The following RGS7 variants were observed in gnomAD, a reference collection of about 807,000 sequenced individuals.
RGS7 encodes the protein regulator of G-protein signaling 7.
In RGS7, 27 loss-of-function variants were observed where a neutral mutation model predicts 81.1. The ratio of observed to expected loss-of-function variants is 0.33; its 90% CI spans 0.25 to 0.46. The LOEUF (loss-of-function observed/expected upper bound fraction) is 0.46. Among genes scored for constraint, RGS7 ranks in the 20% least tolerant of loss-of-function variants. RGS7 has a pLI of 1.00. For synonymous variants in RGS7, 208 were observed against 207.7 expected (o/e 1.00, Z -0.01); for missense variants, 396 against 607.4 (o/e 0.65, Z 3.66).
chr1:241,158,716 C>T (rs1341932234), intron 2 of RGS7, among the ~76,000 whole-genome samples: 1 of 152,164 alleles, frequency 6.6e-6, no homozygotes, highest in Non-Finnish European at 1.5e-5. Flanking sequence ...GACCTTTTCC[C>T]TACCAGTTTA....
At chr1:240,871,949 T>C (rs1399234763) in intron 6 of RGS7, among the ~76,000 whole-genome samples, 1 of 152,190 alleles carries the variant, frequency 6.6e-6, no homozygotes, top group Admixed American at 6.5e-5. Flanking sequence ...ATCTAATCTT[T>C]ATTATTTGCA....
At chr1:241,300,298 T>C (rs1438119284) in intron 2 of RGS7, among the ~76,000 whole-genome samples, 3 of 152,192 alleles carry the variant, frequency 2.0e-5, no homozygotes, top group Non-Finnish European at 2.9e-5. Flanking sequence ...CCGAAGTTCA[T>C]AGTTTACGCT....
Position 241,168,780 on chromosome 1 carries a change from G to C in RGS7, c.79-70018C>G, listed in dbSNP as rs1409766148. ...CCCAACACACACACATAGAGAGAGC[G>C]AGAGAGAGAGAACTAGGCCAAGAGC... On this transcript the variant is annotated intron_variant, in intron 2 of 18. Transcript: ENST00000440928. Among the ~76,000 whole-genome samples the C allele has an allele frequency of 4.0e-5, 6 of 151,868 alleles. No homozygotes were observed. The South Asian group carries it at 1.0e-3, about 26-fold the overall frequency.
intron 6 of RGS7, chr1:240,919,839 A>C: frequency 1.3e-6 from 1 of 782,710 alleles, no homozygotes; most frequent in East Asian, 2.4e-5. Context: ...CACATAGGCC[A>C]CTGTGGAGAA....
chr1:241,245,662 C>T (rs1226909069), intron 2 of RGS7, among the ~76,000 whole-genome samples: 1 of 150,770 alleles, frequency 6.6e-6, no homozygotes, highest in Non-Finnish European at 1.5e-5. Flanking sequence ...CAAAAATTAG[C>T]CAGGCGTAGT....
chr1:241,234,038 T>C (rs2075797331), intron 2 of RGS7, among the ~76,000 whole-genome samples: 1 of 152,206 alleles, frequency 6.6e-6, no homozygotes, highest in Non-Finnish European at 1.5e-5. Flanking sequence ...ATGATGTTTT[T>C]ACTTAAATTT....
intron 3 of RGS7, among the ~76,000 whole-genome samples, chr1:241,065,240 A>G (rs968721855): frequency 7.0e-6 from 1 of 142,108 alleles, no homozygotes; most frequent in Admixed American, 7.0e-5. Context: ...ATATATATTA[A>G]AAGATATATT....
At chr1:240,967,568 T>TG (rs543910244) in intron 4 of RGS7, among the ~76,000 whole-genome samples, 4,944 of 53,682 alleles carry the variant, frequency 0.092, 253 homozygotes, top group African/African-American at 0.19. Context: ...TGCCAAGAAG[T>TG]GGGGGGGGGG....
At chr1:241,279,710 C>T (rs2078400238) in intron 2 of RGS7, among the ~76,000 whole-genome samples, 2 of 152,204 alleles carry the variant, frequency 1.3e-5, no homozygotes, top group South Asian at 4.1e-4. Context: ...TACTCACCTT[C>T]CTCTACTTCA....
intron 2 of RGS7, among the ~76,000 whole-genome samples, chr1:241,353,386 T>G (rs2083367135): frequency 6.6e-6 from 1 of 152,246 alleles, no homozygotes; most frequent in South Asian, 2.1e-4. Context: ...ACGATCTATG[T>G]CTACACACAG....
intron 5 of RGS7, among the ~76,000 whole-genome samples, chr1:240,932,572 G>A (rs113807879): frequency 0.036 from 5,180 of 143,314 alleles, 198 homozygotes; most frequent in African/African-American, 0.1. Context: ...GCAGTGGTGC[G>A]GTCTCAGCTC....
intron 4 of RGS7, among the ~76,000 whole-genome samples, chr1:240,948,987 A>C (rs1470731621): frequency 1.3e-5 from 2 of 152,008 alleles, no homozygotes. Flanking sequence ...CTTTAATTTG[A>C]CTTAACTGGA....
intron 3 of RGS7, among the ~76,000 whole-genome samples, chr1:240,984,841 C>T (rs1174876367): frequency 6.6e-6 from 1 of 152,138 alleles, no homozygotes; most frequent in Non-Finnish European, 1.5e-5. Flanking sequence ...AATTTGATTA[C>T]TAAACTTGAC....
intron 2 of RGS7, among the ~76,000 whole-genome samples, chr1:241,101,763 C>T (rs1037916941): frequency 1.3e-5 from 2 of 152,148 alleles, no homozygotes; most frequent in Non-Finnish European, 2.9e-5. Flanking sequence ...AGCCTCTAAA[C>T]CCTTGTATTA....
intron 2 of RGS7, among the ~76,000 whole-genome samples, chr1:241,165,808 C>T (rs564993398): frequency 7.4e-4 from 111 of 150,944 alleles, no homozygotes; most frequent in African/African-American, 2.6e-3. Context: ...AAAACCAGCC[C>T]TGAAAAAAAA....
chr1:241,314,021 GC>G (rs1489115945), intron 2 of RGS7, among the ~76,000 whole-genome samples: 1 of 152,018 alleles, frequency 6.6e-6, no homozygotes, highest in African/African-American at 2.4e-5. Flanking sequence ...TTATGAATGT[GC>G]AAAAAAAAGT....
chr1:241,309,404 A>AG (rs2080372741), intron 2 of RGS7, among the ~76,000 whole-genome samples: 1 of 148,208 alleles, frequency 6.7e-6, no homozygotes, highest in Admixed American at 6.7e-5. Flanking sequence ...AAAAAAAAAA[A>AG]GGAAAAAGAA....
At chr1:241,275,990 C>T (rs937901144) in intron 2 of RGS7, among the ~76,000 whole-genome samples, 1 of 152,134 alleles carries the variant, frequency 6.6e-6, no homozygotes, top group East Asian at 1.9e-4. Flanking sequence ...TACAGGCTTG[C>T]GTGGGTTAAA....
chr1:241,027,451 G>C (rs894451946), intron 3 of RGS7, among the ~76,000 whole-genome samples: 2 of 152,174 alleles, frequency 1.3e-5, no homozygotes, highest in Admixed American at 1.3e-4. Flanking sequence ...ATTTTTAAAA[G>C]ATGACTTTGG....
Sources: gnomAD v4.1 joint callset for allele counts (sites outside exome capture counted in the v4.1 genomes callset) on GRCh38, gnomAD v4.1.1 for gene constraint, MANE v1.5 for transcripts, NCBI Gene and HGNC (gene_info 2026-07-23, HGNC 2026-07-21) for gene names.